FARP1: variants seen among roughly 807,000 people sequenced by gnomAD.
FARP1 encodes the protein FERM, ARHGEF and pleckstrin domain-containing protein 1.
A neutral mutation model predicts 128.8 loss-of-function variants in FARP1; 52 were observed. That is an observed-to-expected ratio of 0.40 (90% CI 0.32 to 0.51). FARP1 has a LOEUF of 0.51. Ranked by LOEUF, FARP1 falls within the 20% of genes least tolerant of loss-of-function variation. The probability of loss-of-function intolerance (pLI) is 0.45; values close to 1 mark genes in which losing one functional copy is unlikely to be tolerated. For synonymous variants in FARP1, 580 were observed against 551.8 expected, an observed-to-expected ratio of 1.05 and a Z score of -0.72; for missense variants, 1,333 against 1,367.9, an observed-to-expected ratio of 0.97 and a Z score of 0.40.
chr13:98,263,621 C>G (rs1883976144), intron 2 of FARP1, among the ~76,000 whole-genome samples: 1 of 152,178 alleles, frequency 6.6e-6, no homozygotes, highest in African/African-American at 2.4e-5. Context: ...TTTCAATTAG[C>G]AATTGCTCTT....
At chr13:98,153,519 T>A (rs12017271) in intron 1 of FARP1, among the ~76,000 whole-genome samples, 4 of 21,126 alleles carry the variant, frequency 1.9e-4, no homozygotes, top group Non-Finnish European at 6.7e-4. Flanking sequence ...AAATATATAT[T>A]TATATATATA....
At chr13:98,252,480 A>C (rs765640981) in intron 2 of FARP1, among the ~76,000 whole-genome samples, 1 of 152,204 alleles carries the variant, frequency 6.6e-6, no homozygotes, top group Non-Finnish European at 1.5e-5. Flanking sequence ...ACTTTTTCAC[A>C]TTACTTTGAC....
chr13:98,271,805 T>C (rs1884404017), intron 2 of FARP1, among the ~76,000 whole-genome samples: 1 of 152,222 alleles, frequency 6.6e-6, no homozygotes, highest in Non-Finnish European at 1.5e-5. Flanking sequence ...TTATCTAATC[T>C]ATCACTGATT....
At chr13:98,143,013 G>T (rs1265219125), upstream of FARP1, 2 of 148,372 alleles carry the variant, frequency 1.3e-5, no homozygotes, top group African/African-American at 4.9e-5. Context: ...GCTCTCCCGC[G>T]TCCCCGCTGC....
intron 1 of FARP1, among the ~76,000 whole-genome samples, chr13:98,200,628 C>G (rs1879880358): frequency 6.6e-6 from 1 of 152,158 alleles, no homozygotes. Flanking sequence ...GTCTCTAGCA[C>G]TTACGCAAGA....
intron 17 of FARP1, among the ~76,000 whole-genome samples, chr13:98,429,035 G>A (rs1291152222): frequency 1.3e-5 from 2 of 152,344 alleles, no homozygotes; most frequent in East Asian, 3.9e-4. Context: ...TTTGCAGGAT[G>A]TCACCATTGA....
At position 98,439,973 on chromosome 13, in the gene FARP1, G is replaced by A. The variant is rs377118186; in HGVS notation, c.2446G>A (p.Glu816Lys). The change falls in exon 22 of 27, where the codon GAA (glutamate) becomes AAA (lysine). Residue 816 changes from glutamate to lysine, a missense_variant. Physicochemically the swap from Glu to Lys is moderately conservative, Grantham distance 56. Around this residue, in one of 2 missense-constraint regions of FARP1, gnomAD observed 1,009 missense variants for 969.8 expected, o/e 1.04. Transcript: ENST00000319562. ...CTCTTGCCCACAGATTGAGGAGAGC[G>A]AAGACGAGTGGGGGGTGCCCCACTG... ...PLYGMTIEES[E>K]DEWGVPHCLT... The A allele has an allele frequency of 2.0e-5, 31 of 1,581,414 alleles. No homozygotes were observed. The highest frequency in any genetic ancestry group is 8.7e-5 in the Admixed American group (5 of 57,688).
chr13:98,340,459 C>T (rs996965473), intron 2 of FARP1, among the ~76,000 whole-genome samples: 2 of 151,990 alleles, frequency 1.3e-5, no homozygotes, highest in African/African-American at 2.4e-5. Flanking sequence ...ATTTTCCTGC[C>T]TCAGCCTCCT....
intron 2 of FARP1, among the ~76,000 whole-genome samples, chr13:98,310,251 G>T (rs1200321489): frequency 2.0e-5 from 3 of 152,050 alleles, no homozygotes; most frequent in Non-Finnish European, 2.9e-5. Flanking sequence ...GAGGCAGGTC[G>T]CCTCTGTGCC....
rs267603873 is a variant in FARP1, at chr13:98,176,646, C to T, written c.-24+33154C>T. The T allele has an allele frequency of 1.2e-6, 2 of 1,614,232 alleles. No individual in the cohort carries two copies. Among genetic ancestry groups the T allele is most frequent in the South Asian group, 2.2e-5 (2 of 91,084 alleles). ...CACAGAAGCCAGTCTCCTTGTAGTC[C>T]TTGCAGATGTCAGGCTGGTAATCCC... On this transcript the variant is annotated intron_variant, in intron 1 of 26. Coordinates refer to ENST00000319562, the MANE Select transcript of FARP1 (RefSeq NM_005766.4). This position sits in a 1 kb window ranked among gnomAD's most constrained non-coding sequence, Gnocchi z 6.2.
chr13:98,401,853 A>T (rs995135042), intron 13 of FARP1: 1 of 152,200 alleles, frequency 6.6e-6, no homozygotes, highest in Non-Finnish European at 1.5e-5. Flanking sequence ...TTTATTCAGG[A>T]TCATTTCGGT....
At chr13:98,446,554 C>G (rs369875852) in intron 25 of FARP1, 112 bp from the exon 26 acceptor site, 1 of 1,152,974 alleles carries the variant, frequency 8.7e-7, no homozygotes, top group Admixed American at 1.9e-5. Context: ...GGCCCACGCC[C>G]GAGGAGGGAG....
rs556576893 is a variant in FARP1, at chr13:98,364,618, C to G, written c.277-777C>G. On this transcript the variant is annotated intron_variant, in intron 3 of 26. Transcript: ENST00000319562. ...ATGCAAATATGAGCTTCTGTGGAAC[C>G]CTTTCAAATGACTAGAAATTCAAGG... Among the ~76,000 whole-genome samples the G allele has an allele frequency of 1.1e-4, 16 of 152,220 alleles. No individual in the cohort carries two copies. In the South Asian group the frequency reaches 2.9e-3, roughly 28 times the overall value.
chr13:98,237,223 G>C (rs1882474391), intron 2 of FARP1, among the ~76,000 whole-genome samples: 1 of 150,752 alleles, frequency 6.6e-6, no homozygotes, highest in Non-Finnish European at 1.5e-5. Context: ...AGAATCGCTT[G>C]AACCTGGGAT....
At chr13:98,438,097 A>T (rs1892358552) in intron 19 of FARP1, among the ~76,000 whole-genome samples, 1 of 152,184 alleles carries the variant, frequency 6.6e-6, no homozygotes, top group African/African-American at 2.4e-5. Context: ...ACCACAATTT[A>T]AAAATGATCA....
In FARP1 at chr13:98,347,889, T is replaced by A. The variant is rs138345247; in HGVS notation, c.276+4023T>A. ...CTGTGTGTGATGTGTGGGAAACTAG[T>A]TTCCCCCAAGCACCTGGCATGTCAG... On this transcript the variant is annotated intron_variant, in intron 3 of 26. Transcript: ENST00000319562. Among the ~76,000 whole-genome samples the A allele has an allele frequency of 5.2e-4, 79 of 152,202 alleles. No homozygotes were observed. The East Asian group carries it at 0.013, about 24-fold the overall frequency.
intron 3 of FARP1, among the ~76,000 whole-genome samples, chr13:98,361,883 C>T (rs1888887185): frequency 6.6e-6 from 1 of 152,174 alleles, no homozygotes; most frequent in Admixed American, 6.5e-5. Flanking sequence ...CGCATCATCT[C>T]AGGTCTCTTT....
intron 2 of FARP1, among the ~76,000 whole-genome samples, chr13:98,342,757 G>A (rs2139872243): frequency 6.6e-6 from 1 of 151,972 alleles, no homozygotes; most frequent in Admixed American, 6.6e-5. Flanking sequence ...GGGCACAGTG[G>A]CTCATGCCTG....
intron 1 of FARP1, among the ~76,000 whole-genome samples, chr13:98,144,194 C>G (rs1387555048): frequency 1.3e-5 from 2 of 151,772 alleles, no homozygotes; most frequent in Non-Finnish European, 2.9e-5. Flanking sequence ...GGCTGGACCC[C>G]GGAGACTCTG....
Sources: gnomAD v4.1 joint callset for allele counts (sites outside exome capture counted in the v4.1 genomes callset) on GRCh38, gnomAD v4.1.1 for gene constraint, gnomAD v4.1.1 regional missense constraint, Gnocchi (gnomAD v3.1) non-coding constraint, MANE v1.5 for transcripts, NCBI Gene and HGNC (gene_info 2026-07-23, HGNC 2026-07-21) for gene names.